KIAA1217: variants seen among roughly 807,000 people sequenced by gnomAD.
KIAA1217 encodes the protein sickle tail protein homolog.
A neutral mutation model predicts 163.9 loss-of-function variants in KIAA1217; 88 were observed. That is an observed-to-expected ratio of 0.54 (90% CI 0.45 to 0.64). The LOEUF is 0.64. KIAA1217 is among the 30% of genes least tolerant of loss of function. KIAA1217 has a pLI of 0.00. For synonymous variants in KIAA1217, 903 were observed against 923.1 expected, an observed-to-expected ratio of 0.98 and a Z score of 0.39; for missense variants, 2,372 against 2,475.0, an observed-to-expected ratio of 0.96 and a Z score of 0.88.
intron 1 of KIAA1217, among the ~76,000 whole-genome samples, chr10:23,760,788 A>G (rs1588739894): frequency 6.6e-6 from 1 of 152,166 alleles, no homozygotes; most frequent in Non-Finnish European, 1.5e-5. Flanking sequence ...AAAAAATTTT[A>G]AAAGATAAGA....
intron 2 of KIAA1217, among the ~76,000 whole-genome samples, chr10:24,179,983 G>A (rs2066092070): frequency 6.6e-6 from 1 of 152,180 alleles, no homozygotes; most frequent in Non-Finnish European, 1.5e-5. Flanking sequence ...ACTAGTGGAA[G>A]ATGTGGATTA....
chr10:23,712,670 C>A (rs1294059793), intron 1 of KIAA1217, among the ~76,000 whole-genome samples: 2 of 151,882 alleles, frequency 1.3e-5, no homozygotes, highest in African/African-American at 4.8e-5. Context: ...GTTGAGTTTT[C>A]TTTTCATAGA....
chr10:24,151,146 G>A (rs116680206), intron 2 of KIAA1217, among the ~76,000 whole-genome samples: 2,656 of 152,194 alleles, frequency 0.017, 27 homozygotes, highest in Middle Eastern at 0.058. Context: ...ATTGCTGCAA[G>A]TAAGTATAGG....
At chr10:23,851,214 C>G (rs1415883675) in intron 1 of KIAA1217, among the ~76,000 whole-genome samples, 1 of 152,084 alleles carries the variant, frequency 6.6e-6, no homozygotes, top group African/African-American at 2.4e-5. Context: ...CTTCCTGTGT[C>G]CATGTGTTCT....
chr10:23,934,513 T>C (rs1350333436), intron 1 of KIAA1217, among the ~76,000 whole-genome samples: 2 of 143,036 alleles, frequency 1.4e-5, no homozygotes, highest in African/African-American at 5.2e-5. Flanking sequence ...TTTCTTTTTT[T>C]TTTTTAGAAG....
chr10:24,177,452 T>C (rs2131938664), intron 2 of KIAA1217, among the ~76,000 whole-genome samples: 1 of 150,878 alleles, frequency 6.6e-6, no homozygotes, highest in African/African-American at 2.4e-5. Flanking sequence ...ATTTTTGCAA[T>C]TGTGAATTGT....
chr10:24,030,283 T>C (rs1848138202), intron 2 of KIAA1217, among the ~76,000 whole-genome samples: 1 of 152,098 alleles, frequency 6.6e-6, no homozygotes, highest in Admixed American at 6.6e-5. Context: ...TCCCCAAGTG[T>C]CGAGGGAGGG....
At chr10:24,129,114 A>G (rs2063564528) in intron 2 of KIAA1217, among the ~76,000 whole-genome samples, 1 of 152,204 alleles carries the variant, frequency 6.6e-6, no homozygotes, top group Non-Finnish European at 1.5e-5. Context: ...GCAGAAAGGT[A>G]CTAACCTCCT....
chr10:23,737,640 A>T (rs1394805068), intron 1 of KIAA1217, among the ~76,000 whole-genome samples: 9 of 152,232 alleles, frequency 5.9e-5, no homozygotes, highest in African/African-American at 1.9e-4. Context: ...CTAAAACAGA[A>T]TAAAAAATAG....
intron 5 of KIAA1217, among the ~76,000 whole-genome samples, chr10:24,450,455 T>A (rs1188707653): frequency 1.3e-5 from 2 of 152,236 alleles, no homozygotes; most frequent in Non-Finnish European, 2.9e-5. Context: ...TTACTTGAGA[T>A]AACTATTCTG....
At chr10:23,835,805 A>C (rs1429935249) in intron 1 of KIAA1217, among the ~76,000 whole-genome samples, 1 of 151,962 alleles carries the variant, frequency 6.6e-6, no homozygotes, top group East Asian at 1.9e-4. Flanking sequence ...TCATCACACC[A>C]CACTGCCATG....
intron 2 of KIAA1217, among the ~76,000 whole-genome samples, chr10:24,063,233 G>A (rs2060802352): frequency 6.6e-6 from 1 of 152,118 alleles, no homozygotes; most frequent in South Asian, 2.1e-4. Context: ...GTCCTGAATG[G>A]TATTGCCTAG....
intron 1 of KIAA1217, among the ~76,000 whole-genome samples, chr10:23,730,015 C>T (rs1270033943): frequency 2.0e-5 from 3 of 152,120 alleles, no homozygotes; most frequent in African/African-American, 4.8e-5. Context: ...CATTGTCCTG[C>T]CTCAGTCTCC....
chr10:23,922,818 G>A (rs1021225630), intron 1 of KIAA1217, among the ~76,000 whole-genome samples: 1 of 151,968 alleles, frequency 6.6e-6, no homozygotes, highest in Non-Finnish European at 1.5e-5. Context: ...CCTGAAATAA[G>A]GTAAAGGAAA....
At chr10:23,839,769 C>T (rs1159241522) in intron 1 of KIAA1217, among the ~76,000 whole-genome samples, 2 of 152,180 alleles carry the variant, frequency 1.3e-5, no homozygotes, top group African/African-American at 4.8e-5. Flanking sequence ...TTTTTCTCAT[C>T]TTACAATAGA....
chr10:24,083,441 A>C (rs577281318), intron 2 of KIAA1217, among the ~76,000 whole-genome samples: 5 of 152,236 alleles, frequency 3.3e-5, no homozygotes, highest in Non-Finnish European at 5.9e-5. Flanking sequence ...GGTTTTATGA[A>C]AAAGTGCAAT....
chr10:24,536,818 T>G lies in KIAA1217; in HGVS notation c.3459T>G (p.His1153Gln). The change falls in exon 17 of 21, where the codon CAT becomes CAG. Residue 1153 changes from histidine (H) to glutamine (Q), a missense_variant. His to Gln is a conservative substitution (Grantham distance 24). Around this residue, in one of 3 missense-constraint regions of KIAA1217, gnomAD observed 251 missense variants for 327.3 expected, o/e 0.77. Coordinates refer to ENST00000376454, the MANE Select transcript of KIAA1217 (RefSeq NM_019590.5). ...CSFMDVNSNS[H>Q]AEPSRADSHV... is the part of the protein sequence containing the mutation. ...TTATGGATGTAAATTCAAACAGTCA[T>G]GCTGAGCCATCCCGGGCTGACAGTC... 1.2e-6 allele frequency: 2 copies of G among 1,613,968 alleles called. No individual in the cohort carries two copies. Among genetic ancestry groups the G allele is most frequent in the Non-Finnish European group, 1.7e-6 (2 of 1,179,896 alleles).
At chr10:24,239,471 G>A (rs1331915758) in intron 2 of KIAA1217, 2 of 192,122 alleles carry the variant, frequency 1.0e-5, no homozygotes, top group Non-Finnish European at 1.9e-5. Context: ...AGCAATGTTC[G>A]TGCTAAAGGG....
intron 1 of KIAA1217, among the ~76,000 whole-genome samples, chr10:23,912,454 C>A (rs201529122): frequency 6.6e-6 from 1 of 151,896 alleles, no homozygotes. Context: ...ACATTGTACC[C>A]AAGAGGTACT....
Sources: gnomAD v4.1 joint callset for allele counts (sites outside exome capture counted in the v4.1 genomes callset) on GRCh38, gnomAD v4.1.1 for gene constraint, gnomAD v4.1.1 regional missense constraint, MANE v1.5 for transcripts, NCBI Gene and HGNC (gene_info 2026-07-23, HGNC 2026-07-21) for gene names.